The following EXOC6B variants were observed in gnomAD, a reference collection of about 807,000 sequenced individuals.
EXOC6B encodes the protein exocyst complex component 6B.
In EXOC6B, 54 loss-of-function variants were observed where a neutral mutation model predicts 113.5. The ratio of observed to expected loss-of-function variants is 0.48; its 90% CI spans 0.38 to 0.60. The LOEUF is 0.60. EXOC6B is among the 20% of genes least tolerant of loss of function. The pLI, the probability that EXOC6B is intolerant of heterozygous loss-of-function variation, is 0.00. For synonymous variants in EXOC6B, 357 were observed against 339.0 expected (o/e 1.05, Z -0.58); for missense variants, 797 against 977.5 (o/e 0.82, Z 2.46).
intron 6 of EXOC6B, among the ~76,000 whole-genome samples, chr2:72,625,396 C>T (rs1049670678): frequency 6.6e-6 from 1 of 152,042 alleles, no homozygotes; most frequent in East Asian, 1.9e-4. Context: ...TAGTTAAACA[C>T]ATGTCCAGAA....
At chr2:72,678,063 CCT>C (rs1395264801) in intron 6 of EXOC6B, among the ~76,000 whole-genome samples, 2 of 152,114 alleles carry the variant, frequency 1.3e-5, no homozygotes, top group East Asian at 3.8e-4. Context: ...TCAGATTCTC[CCT>C]CTCTCTACAG....
At chr2:72,553,340 G>C (rs1703347512) in intron 8 of EXOC6B, among the ~76,000 whole-genome samples, 2 of 151,914 alleles carry the variant, frequency 1.3e-5, no homozygotes. Flanking sequence ...TCCATGACTG[G>C]GATGACTTAG....
intron 19 of EXOC6B, among the ~76,000 whole-genome samples, chr2:72,364,240 A>G (rs955352417): frequency 2.0e-5 from 3 of 152,066 alleles, no homozygotes; most frequent in African/African-American, 7.2e-5. Context: ...GGGGGGTGGT[A>G]TAGGGAAAGA....
intron 20 of EXOC6B, among the ~76,000 whole-genome samples, chr2:72,317,718 A>C (rs765133222): frequency 1.8e-4 from 28 of 152,122 alleles, no homozygotes; most frequent in Non-Finnish European, 3.5e-4. Flanking sequence ...CTATTGTTTG[A>C]GATCATTCTT....
chr2:72,401,536 T>TGAAAAAGA (rs1693204900), intron 18 of EXOC6B, among the ~76,000 whole-genome samples: 3 of 31,694 alleles, frequency 9.5e-5, no homozygotes, highest in African/African-American at 6.2e-4. Flanking sequence ...TATATATATA[T>TGAAAAAGA]ATATATATGT....
intron 8 of EXOC6B, among the ~76,000 whole-genome samples, chr2:72,553,494 T>A (rs1230010856): frequency 2.0e-5 from 3 of 152,044 alleles, no homozygotes; most frequent in Non-Finnish European, 4.4e-5. Flanking sequence ...GCTAATGCAA[T>A]TTTAAAGAAG....
At chr2:72,607,820 C>T (rs916663152) in intron 6 of EXOC6B, among the ~76,000 whole-genome samples, 5 of 151,882 alleles carry the variant, frequency 3.3e-5, no homozygotes, top group Non-Finnish European at 5.9e-5. Flanking sequence ...AGTGGGTGGT[C>T]AGAGGCGTAG....
At chr2:72,531,487 C>A (rs193232716) in intron 8 of EXOC6B, among the ~76,000 whole-genome samples, 79 of 152,304 alleles carry the variant, frequency 5.2e-4, no homozygotes, top group Admixed American at 2.7e-3. Flanking sequence ...AATATACATT[C>A]TTTTCAAGCG....
intron 17 of EXOC6B, among the ~76,000 whole-genome samples, chr2:72,473,227 C>T (rs145954151): frequency 2.6e-5 from 4 of 152,130 alleles, no homozygotes; most frequent in African/African-American, 9.6e-5. Context: ...ACAAATGTTT[C>T]TTTTCTGATT....
chr2:72,364,066 G>A (rs1690469132), intron 19 of EXOC6B, among the ~76,000 whole-genome samples: 1 of 152,020 alleles, frequency 6.6e-6, no homozygotes, highest in African/African-American at 2.4e-5. Context: ...AGACAAAAAG[G>A]GAAAATACCT....
At chr2:72,240,011 G>T (rs963939623) in intron 20 of EXOC6B, among the ~76,000 whole-genome samples, 1 of 151,992 alleles carries the variant, frequency 6.6e-6, no homozygotes, top group Non-Finnish European at 1.5e-5. Context: ...ATATACCAAG[G>T]TACAAGTACA....
chr2:72,621,432 CT>C (rs1671738372), intron 6 of EXOC6B, among the ~76,000 whole-genome samples: 1 of 151,990 alleles, frequency 6.6e-6, no homozygotes, highest in Admixed American at 6.6e-5. Flanking sequence ...CATGTTCTAA[CT>C]CATAAGTGGT....
In EXOC6B at chr2:72,707,056, G is replaced by A. The variant is rs113720710; in HGVS notation, c.669+11047C>T. 5.4e-4 allele frequency among the ~76,000 whole-genome samples: 82 copies of A among 152,238 alleles called. 1 individual carries two copies. Among genetic ancestry groups the A allele is most frequent in the African/African-American group, 1.8e-3 (74 of 41,540 alleles). On this transcript the variant is annotated intron_variant, in intron 6 of 21. Transcript: ENST00000272427. ...CCTTCCAGCTCTCAAGCCTAAGCCCGTCTCAGCCTTAAAATCATCCCAGCT... is the reference window on the plus strand; with the variant it reads ...CCTTCCAGCTCTCAAGCCTAAGCCCATCTCAGCCTTAAAATCATCCCAGCT...
At chr2:72,669,829 G>A (rs979730759) in intron 6 of EXOC6B, among the ~76,000 whole-genome samples, 2 of 152,198 alleles carry the variant, frequency 1.3e-5, no homozygotes, top group Non-Finnish European at 1.5e-5. Flanking sequence ...CCTGTAAAAT[G>A]AAGAAATATC....
intron 7 of EXOC6B, among the ~76,000 whole-genome samples, chr2:72,574,442 T>C (rs1281186587): frequency 3.3e-5 from 5 of 152,160 alleles, no homozygotes; most frequent in Non-Finnish European, 7.3e-5. Context: ...GTGAAGACAC[T>C]CAGTTTAACG....
At chr2:72,380,747 A>G (rs1198241626) in intron 18 of EXOC6B, among the ~76,000 whole-genome samples, 1 of 152,226 alleles carries the variant, frequency 6.6e-6, no homozygotes, top group Non-Finnish European at 1.5e-5. Context: ...ACTGAGATTT[A>G]TGAATATAAA....
At chr2:72,633,303 T>C (rs1476928038) in intron 6 of EXOC6B, among the ~76,000 whole-genome samples, 1 of 151,732 alleles carries the variant, frequency 6.6e-6, no homozygotes, top group African/African-American at 2.4e-5. Context: ...ATACACTGTA[T>C]GTTGTTGTTG....
At chr2:72,243,960 G>A (rs1682491935) in intron 20 of EXOC6B, among the ~76,000 whole-genome samples, 1 of 152,140 alleles carries the variant, frequency 6.6e-6, no homozygotes, top group Admixed American at 6.5e-5. Context: ...TATAGTTAGA[G>A]GCTTCAACAG....
chr2:72,269,195 G>A (rs1684326248), intron 20 of EXOC6B, among the ~76,000 whole-genome samples: 1 of 151,786 alleles, frequency 6.6e-6, no homozygotes, highest in Admixed American at 6.6e-5. Flanking sequence ...AAATAAAGAT[G>A]AAACAAATAA....
Sources: allele counts gnomAD v4.1 joint callset (sites outside exome capture counted in the v4.1 genomes callset), GRCh38; gene constraint gnomAD v4.1.1; transcripts MANE v1.5; gene names NCBI Gene and HGNC (gene_info 2026-07-23, HGNC 2026-07-21).